Variants in ANO10 observed in about 807,000 individuals in gnomAD.
The protein encoded by ANO10 is anoctamin-10.
A neutral mutation model predicts 74.7 loss-of-function variants in ANO10; 77 were observed. The ratio of observed to expected loss-of-function variants is 1.03; its 90% CI spans 0.86 to 1.25. ANO10 has a LOEUF of 1.25. ANO10 is among the 50% of genes most tolerant of loss of function. ANO10 has a pLI of 0.00. For missense variants in ANO10, 721 were observed against 778.1 expected, an observed-to-expected ratio of 0.93 and a Z score of 0.87; for synonymous variants, 279 against 284.9, an observed-to-expected ratio of 0.98 and a Z score of 0.21.
chr3:43,397,482 T>C (rs1319154175), intron 12 of ANO10, among the ~76,000 whole-genome samples: 1 of 152,152 alleles, frequency 6.6e-6, no homozygotes, highest in East Asian at 1.9e-4. Context: ...TTCAATCCTC[T>C]TGGGTCTTGT....
chr3:43,508,704 A>G (rs1298850322), intron 11 of ANO10, among the ~76,000 whole-genome samples: 2 of 152,016 alleles, frequency 1.3e-5, no homozygotes, highest in Non-Finnish European at 2.9e-5. Context: ...ACAAAAAACC[A>G]AACACCGCAT....
Position 43,605,805 on chromosome 3 carries a change from T to A in ANO10, c.48A>T (p.Thr16=), listed in dbSNP as rs2082535597. 3 of 1,613,686 alleles carry A rather than the reference T, an allele frequency of 1.9e-6. No homozygotes were observed. The highest frequency in any genetic ancestry group is 2.5e-6 in the Non-Finnish European group (3 of 1,179,722). The change falls in exon 2 of 13, where the codon ACA becomes ACT. Residue 16 remains threonine, a synonymous_variant. Transcript: ENST00000292246. The stretch of plus-strand genomic sequence containing the variant: ...GAGCAAGTTCTATGACCACCAAAGG[T>A]GTGAAAGAACTCTCAGAAGTATCCA... The part of the protein sequence containing the change: ...SALDTSESSF[T]PLVVIELAQD...
intron 11 of ANO10, among the ~76,000 whole-genome samples, chr3:43,545,030 AT>A (rs2079119559): frequency 6.6e-6 from 1 of 151,404 alleles, no homozygotes; most frequent in Non-Finnish European, 1.5e-5. Context: ...TGGTTAATTA[AT>A]TTGGAAAAAA....
At chr3:43,664,579 T>G (rs1025079796) in intron 1 of ANO10, among the ~76,000 whole-genome samples, 3 of 152,140 alleles carry the variant, frequency 2.0e-5, no homozygotes, top group Non-Finnish European at 4.4e-5. Context: ...GAAACTATCA[T>G]CAGAGTGAAC....
At chr3:43,540,553 T>G (rs1033795885) in intron 11 of ANO10, among the ~76,000 whole-genome samples, 3 of 152,244 alleles carry the variant, frequency 2.0e-5, no homozygotes, top group Non-Finnish European at 2.9e-5. Flanking sequence ...CACACACTTT[T>G]CATCATTCTC....
intron 11 of ANO10, among the ~76,000 whole-genome samples, chr3:43,433,702 G>C (rs2093025937): frequency 6.6e-6 from 1 of 152,068 alleles, no homozygotes; most frequent in Non-Finnish European, 1.5e-5. Flanking sequence ...TTAAGCCAAT[G>C]GTATTGCTTC....
intron 11 of ANO10, among the ~76,000 whole-genome samples, chr3:43,503,835 T>C (rs2077185144): frequency 6.6e-6 from 1 of 152,190 alleles, no homozygotes; most frequent in South Asian, 2.1e-4. Context: ...TATTAAAAAC[T>C]GCATTCTAAT....
intron 11 of ANO10, among the ~76,000 whole-genome samples, chr3:43,525,356 C>T (rs2078148694): frequency 6.6e-6 from 1 of 152,204 alleles, no homozygotes; most frequent in African/African-American, 2.4e-5. Context: ...TCCTTAAAAA[C>T]ACCTTTCAGA....
intron 11 of ANO10, among the ~76,000 whole-genome samples, chr3:43,516,485 G>A (rs1362281305): frequency 6.6e-6 from 1 of 152,178 alleles, no homozygotes; most frequent in Non-Finnish European, 1.5e-5. Flanking sequence ...GATTACAGAG[G>A]ACCTTGAATC....
chr3:43,608,618 C>T (rs1287541126), intron 1 of ANO10, among the ~76,000 whole-genome samples: 1 of 152,066 alleles, frequency 6.6e-6, no homozygotes, highest in Non-Finnish European at 1.5e-5. Context: ...GCTCTGTCAC[C>T]CAGGCTAGTC....
At chr3:43,372,716 G>C in intron 12 of ANO10, 1 of 795,220 alleles carries the variant, frequency 1.3e-6, no homozygotes. Flanking sequence ...TGTCTTAAAT[G>C]TTCTATCCTA....
chr3:43,610,058 G>A (rs1213124984), intron 1 of ANO10, among the ~76,000 whole-genome samples: 1 of 151,948 alleles, frequency 6.6e-6, no homozygotes, highest in Non-Finnish European at 1.5e-5. Context: ...TAATAACACA[G>A]TAAGATACAA....
chr3:43,369,331 C>A (rs532818719), intron 12 of ANO10, among the ~76,000 whole-genome samples: 2 of 152,258 alleles, frequency 1.3e-5, no homozygotes, highest in Non-Finnish European at 2.9e-5. Flanking sequence ...AGGATGTCCA[C>A]GAGGTCACAA....
At chr3:43,384,558 C>A (rs1177369008) in intron 12 of ANO10, among the ~76,000 whole-genome samples, 12 of 152,204 alleles carry the variant, frequency 7.9e-5, no homozygotes, top group Admixed American at 7.2e-4. Context: ...CAGCATGGTA[C>A]TGGCATAAAA....
At chr3:43,403,074 A>G (rs991404173) in intron 12 of ANO10, among the ~76,000 whole-genome samples, 1 of 152,208 alleles carries the variant, frequency 6.6e-6, no homozygotes, top group Non-Finnish European at 1.5e-5. Flanking sequence ...TCAGTGCTCA[A>G]GTCAGCTGTT....
At chr3:43,553,453 CT>C (rs1468696663) in intron 10 of ANO10, among the ~76,000 whole-genome samples, 1 of 151,858 alleles carries the variant, frequency 6.6e-6, no homozygotes, top group African/African-American at 2.4e-5. Flanking sequence ...AATGTTAGCT[CT>C]TTTTTATACC....
chr3:43,636,986 G>C (rs2083616984), intron 1 of ANO10, among the ~76,000 whole-genome samples: 1 of 151,886 alleles, frequency 6.6e-6, no homozygotes, highest in Non-Finnish European at 1.5e-5. Flanking sequence ...AAAATGATGA[G>C]ACTCTGTCTC....
At chr3:43,438,865 A>G (rs2093116673) in intron 11 of ANO10, among the ~76,000 whole-genome samples, 1 of 152,174 alleles carries the variant, frequency 6.6e-6, no homozygotes. Context: ...AGCAAAAACA[A>G]CAAAAGAAGA....
intron 12 of ANO10, among the ~76,000 whole-genome samples, chr3:43,396,072 A>ATTTTTTTTT (rs147741860): frequency 4.8e-5 from 7 of 145,510 alleles, no homozygotes; most frequent in Non-Finnish European, 9.2e-5. Flanking sequence ...TAATTTATTT[A>ATTTTTTTTT]TTTATTTTTT....
Sources: allele counts gnomAD v4.1 joint callset (sites outside exome capture counted in the v4.1 genomes callset), GRCh38; gene constraint gnomAD v4.1.1; transcripts MANE v1.5; gene names NCBI Gene and HGNC (gene_info 2026-07-23, HGNC 2026-07-21).